The following PLEC variants were observed in gnomAD, a reference collection of about 807,000 sequenced individuals.
PLEC encodes the protein hemidesmosomal protein 1.
Under a neutral mutation model 392.8 loss-of-function variants are expected in PLEC, and 216 were observed. The ratio of observed to expected loss-of-function variants is 0.55; its 90% CI spans 0.49 to 0.62. The LOEUF is 0.62. Ranked by LOEUF, PLEC falls within the 20% of genes least tolerant of loss-of-function variation. The pLI is 0.00. For missense variants in PLEC, 6,863 were observed against 6,563.4 expected (o/e 1.05, Z -1.58); for synonymous variants, 3,621 against 2,980.6 (o/e 1.21, Z -7.00).
chr8:143,930,822 C>T (rs1554714473), intron 19 of PLEC, among the ~76,000 whole-genome samples: 1 of 152,192 alleles, frequency 6.6e-6, no homozygotes, highest in Non-Finnish European at 1.5e-5. Flanking sequence ...TCGCCCCTTG[C>T]CCCTCCCCTG....
chr8:143,940,920 T>C (rs1418897356), upstream of PLEC, among the ~76,000 whole-genome samples: 1 of 152,128 alleles, frequency 6.6e-6, no homozygotes, highest in Non-Finnish European at 1.5e-5. Context: ...GAGCCTGGCA[T>C]GAGATTCAGG....
chr8:143,954,155 C>T (rs921122751), upstream of PLEC, among the ~76,000 whole-genome samples: 3 of 151,800 alleles, frequency 2.0e-5, no homozygotes, highest in Non-Finnish European at 4.4e-5. The surrounding 1 kb of genome is among the most constrained non-coding windows in gnomAD (Gnocchi z 4.6). Context: ...GTGGGACACA[C>T]GTGCGAGGGC....
chr8:143,929,056 A>T, intron 25 of PLEC, 47 bp downstream of exon 25: 1 of 1,514,566 alleles, frequency 6.6e-7, no homozygotes, highest in South Asian at 1.2e-5. Context: ...TCACCCCAGC[A>T]CCCCCCAGCC....
intron 1 of PLEC, among the ~76,000 whole-genome samples, chr8:143,938,893 G>A (rs1829798006): frequency 3.3e-5 from 5 of 152,040 alleles, no homozygotes; most frequent in Non-Finnish European, 7.4e-5. Context: ...CAGGGGCCCA[G>A]GCGCCACCAG....
At chr8:143,933,836 G>A (rs1828121218) in intron 12 of PLEC, among the ~76,000 whole-genome samples, 162 bp downstream of exon 12, 1 of 152,216 alleles carries the variant, frequency 6.6e-6, no homozygotes, top group Non-Finnish European at 1.5e-5. Context: ...CACACGAGGA[G>A]GGAGGAGCTC....
chr8:143,956,024 C>T (rs1554739158), upstream of PLEC, among the ~76,000 whole-genome samples: 2 of 150,108 alleles, frequency 1.3e-5, no homozygotes, highest in African/African-American at 4.9e-5. Flanking sequence ...GATCTTGGCT[C>T]ACTGCAACCT....
At chr8:143,934,231 C>T (rs1274401548) in intron 11 of PLEC, 87 bp downstream of exon 11, 1 of 1,602,074 alleles carries the variant, frequency 6.2e-7, no homozygotes, top group African/African-American at 1.3e-5. Flanking sequence ...GGTTCCCCCG[C>T]CGGGGGCGGG....
intron 1 of PLEC, 25 bp downstream of exon 1, chr8:143,939,325 G>A: frequency 6.2e-7 from 1 of 1,601,230 alleles, no homozygotes; most frequent in East Asian, 2.3e-5. Context: ...TGCCTGGCGG[G>A]GGTGCCCGAG....
At chr8:143,942,642 C>T (rs138776721), upstream of PLEC, 128 of 1,189,096 alleles carry the variant, frequency 1.1e-4, no homozygotes, top group South Asian at 2.3e-4. Context: ...CCACCTCCCC[C>T]CCACAATCCG....
At chr8:143,975,120 G>A (rs1833613347), upstream of PLEC, 12 of 1,556,352 alleles carry the variant, frequency 7.7e-6, no homozygotes, top group Admixed American at 1.7e-5. The surrounding 1 kb of genome is among the most constrained non-coding windows in gnomAD (Gnocchi z 9.9). Flanking sequence ...CACGCAGCGG[G>A]AACTCAGTCA....
chr8:143,969,935 G>A lies in PLEC; in HGVS notation c.70+3468C>T, dbSNP rs1326545908. Among the ~76,000 whole-genome samples, 1 of 151,974 alleles carries A rather than the reference G, an allele frequency of 6.6e-6. No homozygotes were observed. Among genetic ancestry groups the A allele is most frequent in the Non-Finnish European group, 1.5e-5 (1 of 67,956 alleles). On this transcript the variant is annotated intron_variant, in intron 1 of 31. Transcript: ENST00000356346. This position sits in a 1 kb window ranked among gnomAD's most constrained non-coding sequence, Gnocchi z 5.1. ...AGGCCTGCATTGGTCTGGGGGAAAA[G>A]CGGGCCTGGAGAGGGGCTGGGTGTG...
Position 143,925,296 on chromosome 8 carries a change from C to A in PLEC, c.4633G>T (p.Ala1545Ser), listed in dbSNP as rs924280766. 2 of 1,573,570 alleles carry A rather than the reference C, an allele frequency of 1.3e-6. No individual in the cohort carries two copies. The highest frequency in any genetic ancestry group is 1.7e-5 in the Admixed American group (1 of 57,700). ...CGCAGGCGCCGCTCCGCCTCCTCCG[C>A]CTGCAGCCGCAGCTCCTCCAGGGCC... ...LQALEELRLQ[A>S]EEAERRLRQA... The change falls in exon 31 of 32, where the codon GCG (alanine) becomes TCG (serine). Residue 1545 changes from alanine to serine, a missense_variant. Ala to Ser is a moderately conservative substitution (Grantham distance 99). Transcript: ENST00000345136.
At chr8:143,949,489 GGAT>G (rs1267474249) in intron 1 of PLEC, among the ~76,000 whole-genome samples, 1 of 152,194 alleles carries the variant, frequency 6.6e-6, no homozygotes, top group African/African-American at 2.4e-5. Flanking sequence ...GAAGCCTCTG[GGAT>G]GACAGGACCC....
upstream of PLEC, chr8:143,943,774 C>A: frequency 6.2e-7 from 1 of 1,610,782 alleles, no homozygotes. Context: ...ACCAGCGGGG[C>A]TTACCTTGCT....
rs1455577070 is a variant in PLEC at position 143,969,394 on chromosome 8, T to C, written c.70+4009A>G. Among the ~76,000 whole-genome samples the C allele has an allele frequency of 6.6e-6, 1 of 152,154 alleles. No individual in the cohort carries two copies. The highest frequency in any genetic ancestry group is 1.5e-5 in the Non-Finnish European group (1 of 68,014). On this transcript the variant is annotated intron_variant, in intron 1 of 31. Transcript: ENST00000356346. The surrounding 1 kb of genome is among the most constrained non-coding windows in gnomAD (Gnocchi z 5.1). ...TGTGGCAGGAGAGCTCTGGGCACCCTATGGGAGAGGCCTCCGTGCTGAGGG... is the reference window on the plus strand; with the variant it reads ...TGTGGCAGGAGAGCTCTGGGCACCCCATGGGAGAGGCCTCCGTGCTGAGGG...
At position 143,919,977 on chromosome 8, in the gene PLEC, C is replaced by T; in HGVS notation, c.9844G>A (p.Glu3282Lys). The change falls in exon 32 of 32, where the codon GAG (glutamate) becomes AAG (lysine). Residue 3282 changes from glutamate to lysine, a missense_variant. Glu to Lys is a moderately conservative substitution (Grantham distance 56, BLOSUM62 1). Coordinates refer to ENST00000345136, the MANE Select transcript of PLEC (RefSeq NM_201384.3). ...GTAATGAGAATCTTGATGACCTTCT[C>T]CACGGTGACCTTGCCCGTGCGGAAC... ...RQFRTGKVTV[E>K]KVIKILITIV... 1 of 1,613,378 alleles carries T rather than the reference C, an allele frequency of 6.2e-7. No individual in the cohort carries two copies.
In PLEC at chr8:143,920,169, G is replaced by A. The variant is rs368758264; in HGVS notation, c.9652C>T (p.Arg3218Trp). The change falls in exon 32 of 32, where the codon CGG becomes TGG. Residue 3218 changes from arginine (R) to tryptophan (W), a missense_variant. By Grantham distance (101) the Arg-to-Trp change is moderately radical. Transcript: ENST00000345136. ...SLLPLSEKAARARQEELYSEL... is the reference protein window; with the variant it reads ...SLLPLSEKAAWARQEELYSEL... The stretch of plus-strand genomic sequence containing the variant: ...GAGTAGAGCTCCTCCTGCCGGGCCC[G>A]AGCAGCCTTTTCTGAGAGCGGCAGC... 104 of 1,612,284 alleles carry A rather than the reference G, an allele frequency of 6.5e-5. No homozygotes were observed. In the Admixed American group the frequency reaches 6.5e-4, roughly 10 times the overall value.
upstream of PLEC, chr8:143,958,660 C>G (rs782222156): frequency 2.2e-6 from 1 of 454,558 alleles, no homozygotes; most frequent in East Asian, 7.0e-5. The surrounding 1 kb of genome is among the most constrained non-coding windows in gnomAD (Gnocchi z 4.9). Flanking sequence ...ACAGCCCTGC[C>G]GCTGCCCTCT....
Position 143,918,228 on chromosome 8 carries a change from G to T in PLEC, c.11593C>A (p.Arg3865Ser). ...LSYTQLLRRC[R>S]RDDGTGQLLL... The stretch of plus-strand genomic sequence containing the variant: ...AGCTGGCCGGTGCCGTCGTCACGAC[G>T]GCACCGCCTGAGCAGCTGCGTGTAG... The change falls in exon 32 of 32, where the codon CGT becomes AGT. Residue 3865 changes from arginine (R) to serine (S), a missense_variant. Coordinates refer to ENST00000345136, the MANE Select transcript of PLEC (RefSeq NM_201384.3). 6.3e-7 allele frequency: 1 copy of T among 1,582,672 alleles called. No individual in the cohort carries two copies. The highest frequency in any genetic ancestry group is 1.1e-5 in the South Asian group (1 of 89,826).
Sources: allele counts gnomAD v4.1 joint callset (sites outside exome capture counted in the v4.1 genomes callset), GRCh38; gene constraint gnomAD v4.1.1; non-coding constraint Gnocchi (gnomAD v3.1); transcripts MANE v1.5; gene names NCBI Gene and HGNC (gene_info 2026-07-23, HGNC 2026-07-21).